Variants in EXPH5 observed in about 807,000 individuals in gnomAD.
EXPH5 encodes the protein exophilin-5.
A neutral mutation model predicts 41.1 loss-of-function variants in EXPH5; 42 were observed. The observed-to-expected ratio is 1.02, with a 90% CI of 0.80 to 1.32. The LOEUF (loss-of-function observed/expected upper bound fraction) is 1.32. EXPH5 is among the 40% of genes most tolerant of loss of function. The pLI, the probability that EXPH5 is intolerant of heterozygous loss-of-function variation, is 0.00. For synonymous variants in EXPH5, 798 were observed against 833.5 expected, an observed-to-expected ratio of 0.96 and a Z score of 0.73; for missense variants, 2,298 against 2,314.5, an observed-to-expected ratio of 0.99 and a Z score of 0.15.
chr11:108,596,384 A>G (rs943584379), upstream of EXPH5, among the ~76,000 whole-genome samples: 1 of 152,172 alleles, frequency 6.6e-6, no homozygotes, highest in Non-Finnish European at 1.5e-5. Context: ...GCTGGATTTG[A>G]TAACTCATTA....
upstream of EXPH5, among the ~76,000 whole-genome samples, chr11:108,595,616 C>A (rs2094137818): frequency 6.6e-6 from 1 of 151,228 alleles, no homozygotes; most frequent in Non-Finnish European, 1.5e-5. Flanking sequence ...GGGGTAAAAT[C>A]TTCCTCTTTT....
At chr11:108,566,159 A>G (rs1298881800) in intron 1 of EXPH5, among the ~76,000 whole-genome samples, 1 of 152,250 alleles carries the variant, frequency 6.6e-6, no homozygotes, top group East Asian at 1.9e-4. Context: ...CATTATGAAG[A>G]AGGATAAGAT....
chr11:108,599,438 A>C, the EXPH5 span, among the ~76,000 whole-genome samples: 1 of 152,232 alleles, frequency 6.6e-6, no homozygotes, highest in Admixed American at 6.5e-5. Context: ...CTCATAACAC[A>C]GTTGTAATCA....
In EXPH5 at chr11:108,512,078, CA is replaced by C; in HGVS notation, c.3428del (p.Leu1143Ter). On this transcript the variant is annotated frameshift_variant, in exon 6 of 6. Coordinates refer to ENST00000265843, the MANE Select transcript of EXPH5 (RefSeq NM_015065.3). LOFTEE classifies it low-confidence loss of function (END_TRUNC). The part of the protein sequence containing the change: ...STGREGRKKP[L>X]TSGMDASELT... ...GCTCAGAAGCATCCATGCCTGAGGT[CA>C]ATGGCTTTTTTCTTCCTTCTCTTCC... The C allele has an allele frequency of 6.2e-7, 1 of 1,612,322 alleles. No homozygotes were observed. Among genetic ancestry groups the C allele is most frequent in the Non-Finnish European group, 8.5e-7 (1 of 1,179,310 alleles).
intron 1 of EXPH5, among the ~76,000 whole-genome samples, chr11:108,558,498 C>G (rs1320907051): frequency 6.6e-6 from 1 of 152,198 alleles, no homozygotes; most frequent in African/African-American, 2.4e-5. Flanking sequence ...CTCATGGTTT[C>G]TAACTCTGTC....
At chr11:108,520,984 C>T (rs549081628) in intron 4 of EXPH5, among the ~76,000 whole-genome samples, 1 of 152,296 alleles carries the variant, frequency 6.6e-6, no homozygotes, top group African/African-American at 2.4e-5. Context: ...CACCCCATGC[C>T]TTCACTTTCT....
intron 1 of EXPH5, among the ~76,000 whole-genome samples, chr11:108,566,235 C>T (rs924804907): frequency 3.3e-5 from 5 of 152,130 alleles, no homozygotes; most frequent in Admixed American, 6.5e-5. Flanking sequence ...CGGAACTAGA[C>T]TTGCTGGGGA....
chr11:108,556,208 T>C (rs1355925456), intron 1 of EXPH5, among the ~76,000 whole-genome samples: 3 of 152,000 alleles, frequency 2.0e-5, no homozygotes, highest in East Asian at 1.9e-4. Context: ...ATACTTTCCT[T>C]GTAAGGGTTA....
At chr11:108,582,146 A>G (rs1333049250) in intron 1 of EXPH5, among the ~76,000 whole-genome samples, 1 of 152,212 alleles carries the variant, frequency 6.6e-6, no homozygotes, top group African/African-American at 2.4e-5. Context: ...CAAGGCTAGA[A>G]TTACTGACAC....
At chr11:108,590,648 A>G (rs2094125310) in intron 1 of EXPH5, among the ~76,000 whole-genome samples, 1 of 151,930 alleles carries the variant, frequency 6.6e-6, no homozygotes. Context: ...AAAAAAAATG[A>G]TTTTATTTAT....
rs777570305 is a variant in EXPH5 at position 108,511,611 on chromosome 11, TTC to T, written c.3894_3895del (p.Asn1299LeufsTer13). 34 of 1,612,228 alleles carry T rather than the reference TTC, an allele frequency of 2.1e-5. No homozygotes were observed. The highest frequency in any genetic ancestry group is 2.7e-5 in the Non-Finnish European group (32 of 1,179,652). On this transcript the variant is annotated frameshift_variant, in exon 6 of 6. Transcript: ENST00000265843. LOFTEE classifies it low-confidence loss of function (END_TRUNC). ...TCCTGACTGCTCTCGTGTAGAATAA[TTC>T]TGTTTGTCTTTTTCTAAAGCGTTAG...
At chr11:108,564,888 A>T (rs1467095047) in intron 1 of EXPH5, among the ~76,000 whole-genome samples, 12 of 135,466 alleles carry the variant, frequency 8.9e-5, no homozygotes, top group South Asian at 2.5e-4. Flanking sequence ...TATTATGTTT[A>T]TTGGATATGT....
At chr11:108,582,040 A>G (rs1031159283) in intron 1 of EXPH5, among the ~76,000 whole-genome samples, 4 of 152,214 alleles carry the variant, frequency 2.6e-5, no homozygotes, top group East Asian at 1.9e-4. Flanking sequence ...AGATGGTTTC[A>G]TTGTTTCATT....
chr11:108,593,828 C>T (rs1281235388), upstream of EXPH5: 5 of 1,315,814 alleles, frequency 3.8e-6, no homozygotes, highest in Admixed American at 2.1e-5. Flanking sequence ...CTCCCTTGTC[C>T]CCTCCCTCGT....
intron 1 of EXPH5, among the ~76,000 whole-genome samples, chr11:108,546,982 T>C (rs563215210): frequency 2.6e-5 from 4 of 151,842 alleles, no homozygotes; most frequent in East Asian, 3.9e-4. Flanking sequence ...TTTGTATTTT[T>C]AGTAGAGACG....
rs568521399 is a variant in EXPH5 at position 108,543,186 on chromosome 11, C to G, written c.120-1374G>C. 1.6e-4 allele frequency among the ~76,000 whole-genome samples: 25 copies of G among 152,252 alleles called. No individual in the cohort carries two copies. The South Asian group carries it at 5.2e-3, about 32-fold the overall frequency. ...GCCCCATAATGTCAGAACATGTGGC[C>G]TGAAATCCTATTACTTTTTTTTCTT... On this transcript the variant is annotated intron_variant, in intron 1 of 5. Transcript: ENST00000265843.
At chr11:108,568,997 C>T (rs574865574) in intron 1 of EXPH5, among the ~76,000 whole-genome samples, 32 of 152,212 alleles carry the variant, frequency 2.1e-4, no homozygotes, top group African/African-American at 5.3e-4. Flanking sequence ...TCAGGGGCCT[C>T]GGCTCAGCAC....
At chr11:108,584,524 C>G (rs899029450) in intron 1 of EXPH5, among the ~76,000 whole-genome samples, 1 of 151,172 alleles carries the variant, frequency 6.6e-6, no homozygotes, top group African/African-American at 2.4e-5. Context: ...TTAAGACCTA[C>G]TATAAAGCCA....
At chr11:108,586,230 G>A (rs1160364546) in intron 1 of EXPH5, among the ~76,000 whole-genome samples, 1 of 152,136 alleles carries the variant, frequency 6.6e-6, no homozygotes, top group East Asian at 1.9e-4. Flanking sequence ...GATTACAGGT[G>A]TGAGCCACCT....
Sources: gnomAD v4.1 joint callset for allele counts (sites outside exome capture counted in the v4.1 genomes callset) on GRCh38, gnomAD v4.1.1 for gene constraint, MANE v1.5 for transcripts, NCBI Gene and HGNC (gene_info 2026-07-23, HGNC 2026-07-21) for gene names.